The following SNX29 variants were observed in gnomAD, a reference collection of about 807,000 sequenced individuals.
SNX29 encodes the protein sorting nexin 29, also known as sorting nexin-29.
In SNX29, 78 loss-of-function variants were observed where a neutral mutation model predicts 102.1. That is an observed-to-expected ratio of 0.76 (90% CI 0.64 to 0.92). SNX29 has a LOEUF of 0.92. SNX29 is among the 40% of genes least tolerant of loss of function. The pLI is 0.00. For synonymous variants in SNX29, 580 were observed against 414.5 expected (o/e 1.40, Z -4.85); for missense variants, 1,280 against 1,061.7 (o/e 1.21, Z -2.86).
intron 18 of SNX29, among the ~76,000 whole-genome samples, chr16:12,474,693 G>T (rs1184890848): frequency 6.6e-6 from 1 of 152,198 alleles, no homozygotes; most frequent in African/African-American, 2.4e-5. Context: ...TTCAAATTAC[G>T]ATGGCAATTT....
intron 16 of SNX29, among the ~76,000 whole-genome samples, chr16:12,385,184 G>A (rs1301091379): frequency 6.6e-6 from 1 of 152,148 alleles, no homozygotes; most frequent in Non-Finnish European, 1.5e-5. Flanking sequence ...AAAGAAAAAA[G>A]AAAAGTTCTG....
At chr16:12,529,919 A>G (rs1476676844) in intron 20 of SNX29, among the ~76,000 whole-genome samples, 1 of 152,170 alleles carries the variant, frequency 6.6e-6, no homozygotes, top group Non-Finnish European at 1.5e-5. Context: ...CCAGACTCCA[A>G]AGTCCTCAGC....
In SNX29 at chr16:12,570,633, C is replaced by A. The variant is rs542479897; in HGVS notation, c.*2004C>A. On this transcript the variant is annotated 3_prime_UTR_variant, in exon 21 of 21. Coordinates refer to ENST00000566228, the MANE Select transcript of SNX29 (RefSeq NM_032167.5). Reference sequence around the variant, plus strand: ...CCCTGTTCTCTGTTGGATAAAGGAACCTCCCCCATCTGTGACATTCCCTTG... The same window carrying A: ...CCCTGTTCTCTGTTGGATAAAGGAAACTCCCCCATCTGTGACATTCCCTTG... 1.7e-5 allele frequency: 4 copies of A among 232,124 alleles called. No individual in the cohort carries two copies. The highest frequency in any genetic ancestry group is 3.4e-5 in the Non-Finnish European group (4 of 117,446). The allele number at this position is 232,124 out of a possible 1,614,324, so 14.4% of individuals were successfully genotyped here.
At chr16:12,539,095 G>C (rs923022735) in intron 20 of SNX29, among the ~76,000 whole-genome samples, 2 of 152,188 alleles carry the variant, frequency 1.3e-5, no homozygotes, top group African/African-American at 2.4e-5. Flanking sequence ...ATTGCCCAGA[G>C]TCCTACTTGC....
chr16:12,332,047 G>A (rs575121500), intron 15 of SNX29, among the ~76,000 whole-genome samples: 2 of 152,050 alleles, frequency 1.3e-5, no homozygotes, highest in East Asian at 1.9e-4. Context: ...GTGACAGAGC[G>A]AAACTCCATC....
intron 4 of SNX29, among the ~76,000 whole-genome samples, chr16:12,033,719 G>C (rs1168201024): frequency 6.6e-6 from 1 of 151,118 alleles, no homozygotes; most frequent in African/African-American, 2.4e-5. Flanking sequence ...TGTTTCTCCT[G>C]CTTCAGCCTC....
intron 16 of SNX29, among the ~76,000 whole-genome samples, chr16:12,384,428 C>G (rs1286438484): frequency 6.6e-6 from 1 of 152,266 alleles, no homozygotes. Flanking sequence ...TGGGGTGACA[C>G]GATATCTCAT....
At chr16:12,264,381 C>T (rs1156696479) in intron 14 of SNX29, among the ~76,000 whole-genome samples, 6 of 152,222 alleles carry the variant, frequency 3.9e-5, no homozygotes, top group African/African-American at 7.2e-5. Context: ...AGGCTTTGTT[C>T]CATAAACCCA....
chr16:12,551,645 C>G (rs1386556626), intron 20 of SNX29, among the ~76,000 whole-genome samples: 1 of 152,200 alleles, frequency 6.6e-6, no homozygotes, highest in Non-Finnish European at 1.5e-5. Flanking sequence ...CAAGTATTTT[C>G]TGAGCTTTGG....
chr16:11,988,555 C>T (rs1349144285), intron 1 of SNX29, among the ~76,000 whole-genome samples: 1 of 152,068 alleles, frequency 6.6e-6, no homozygotes, highest in African/African-American at 2.4e-5. Context: ...TGCCACCACA[C>T]ACGGCTAATT....
chr16:12,162,993 C>A (rs184383274), intron 13 of SNX29, among the ~76,000 whole-genome samples: 3 of 152,206 alleles, frequency 2.0e-5, no homozygotes, highest in Admixed American at 2.0e-4. Context: ...GTGATTCTCT[C>A]ACCTCAGCCT....
At chr16:12,356,327 C>T (rs1269038514) in intron 16 of SNX29, 48 bp downstream of exon 16, 3 of 1,511,776 alleles carry the variant, frequency 2.0e-6, no homozygotes, top group Admixed American at 3.9e-5. Flanking sequence ...CTGCTGCCCA[C>T]AGCCCAGTAG....
At chr16:12,558,577 C>G (rs549248576) in intron 20 of SNX29, among the ~76,000 whole-genome samples, 9 of 152,344 alleles carry the variant, frequency 5.9e-5, no homozygotes, top group South Asian at 2.1e-4. Context: ...CATGGTGGAT[C>G]CATACACCTG....
At chr16:12,348,153 G>T (rs571399264) in intron 15 of SNX29, among the ~76,000 whole-genome samples, 1 of 152,278 alleles carries the variant, frequency 6.6e-6, no homozygotes, top group South Asian at 2.1e-4. Context: ...ATCCAGCAGT[G>T]AGTAGACAGG....
At chr16:12,534,821 C>A (rs996353037) in intron 20 of SNX29, among the ~76,000 whole-genome samples, 2 of 152,166 alleles carry the variant, frequency 1.3e-5, no homozygotes, top group Admixed American at 6.5e-5. Flanking sequence ...CAGTTCCAGG[C>A]ACAGCTGGGA....
intron 19 of SNX29, among the ~76,000 whole-genome samples, chr16:12,505,811 C>T (rs1015598776): frequency 3.6e-5 from 5 of 140,104 alleles, no homozygotes; most frequent in Admixed American, 7.3e-5. Flanking sequence ...GAAGGAATGA[C>T]GTTGAATCTG....
intron 11 of SNX29, among the ~76,000 whole-genome samples, chr16:12,124,078 C>T (rs1234027778): frequency 2.0e-5 from 3 of 152,106 alleles, no homozygotes; most frequent in Non-Finnish European, 4.4e-5. Flanking sequence ...GTGTTCAAGC[C>T]CGGGCGCGGG....
At position 12,099,891 on chromosome 16, in the gene SNX29, T is replaced by G. The variant is rs1341894132; in HGVS notation, c.1402+20976T>G. ...CCATCTCTGGAGTGGCACTCTCCTG[T>G]GAGCGCTAGGCATGATGAACCCGGG... On this transcript the variant is annotated intron_variant, in intron 11 of 20. Coordinates refer to ENST00000566228, the MANE Select transcript of SNX29 (RefSeq NM_032167.5). 2.6e-5 allele frequency among the ~76,000 whole-genome samples: 4 copies of G among 152,154 alleles called. 1 individual carries two copies. The highest frequency in any genetic ancestry group is 3.9e-4 in the East Asian group (2 of 5,180).
At chr16:12,565,333 G>C (rs189692844) in intron 20 of SNX29, among the ~76,000 whole-genome samples, 1 of 152,182 alleles carries the variant, frequency 6.6e-6, no homozygotes, top group Non-Finnish European at 1.5e-5. Flanking sequence ...AGCAGTCTGG[G>C]TTTTCCATCT....
Sources: gnomAD v4.1 joint callset for allele counts (sites outside exome capture counted in the v4.1 genomes callset) on GRCh38, gnomAD v4.1.1 for gene constraint, MANE v1.5 for transcripts, NCBI Gene and HGNC (gene_info 2026-07-23, HGNC 2026-07-21) for gene names.